Variants in MYCBP2 observed in about 807,000 individuals in gnomAD.
The protein encoded by MYCBP2 is MYC binding protein 2.
In MYCBP2, 120 loss-of-function variants were observed where a neutral mutation model predicts 525.3. That is an observed-to-expected ratio of 0.23 (90% CI 0.20 to 0.27). The LOEUF is 0.27. Ranked by LOEUF, MYCBP2 falls within the 10% of genes least tolerant of loss-of-function variation. The pLI is 1.00. For synonymous variants in MYCBP2, 1,894 were observed against 1,955.8 expected (o/e 0.97, Z 0.83); for missense variants, 4,149 against 5,657.1 (o/e 0.73, Z 8.55).
intron 62 of MYCBP2, among the ~76,000 whole-genome samples, chr13:77,084,496 T>C (rs967799680): frequency 2.0e-5 from 3 of 152,194 alleles, no homozygotes; most frequent in Admixed American, 2.0e-4. Context: ...TACAGGGAGA[T>C]AGCAGGCCAT....
rs71102740 is a variant in MYCBP2, at chr13:77,317,938, AAACATAACATAACATAACATAACAT to A, written c.302+8511_302+8535del. 4.0e-4 allele frequency among the ~76,000 whole-genome samples: 53 copies of A among 132,064 alleles called. 1 individual carries two copies. The highest frequency in any genetic ancestry group is 1.0e-3 in the African/African-American group (35 of 34,778). 86.6% of individuals were successfully genotyped at this position (132,064 alleles called of 152,430 possible). ...GGCAACAGAGCAAGACTCCGTCTCA[AAACATAACATAACATAACATAACAT>A]AACATAACATAACATAACATAACAT... On this transcript the variant is annotated intron_variant, in intron 1 of 82. Transcript: ENST00000544440.
rs2069162581 is a variant in MYCBP2, at chr13:77,243,061, C to A, written c.2627G>T (p.Arg876Ile). 2 of 1,613,724 alleles carry A rather than the reference C, an allele frequency of 1.2e-6. No individual in the cohort carries two copies. Among genetic ancestry groups the A allele is most frequent in the African/African-American group, 2.7e-5 (2 of 75,018 alleles). The change falls in exon 17 of 83, where the codon AGA (arginine) becomes ATA (isoleucine). Residue 876 changes from arginine to isoleucine, a missense_variant and splice_region_variant. By Grantham distance (97) the Arg-to-Ile change is moderately conservative (BLOSUM62 -3). Coordinates refer to ENST00000544440, the MANE Select transcript of MYCBP2 (RefSeq NM_015057.5). ...TTTTCTCTGTAGCTACATCTTACCT[C>A]TTCCTTCCTCTAATCTGTGCCTTCT... ...VIRRHRLEEGRGPLVFAGPIF... is the reference protein window; with the variant it reads ...VIRRHRLEEGIGPLVFAGPIF...
chr13:77,248,505 T>C (rs1008013836), intron 15 of MYCBP2, among the ~76,000 whole-genome samples: 2 of 152,028 alleles, frequency 1.3e-5, no homozygotes, highest in Non-Finnish European at 2.9e-5. Flanking sequence ...GGCCAAAAAG[T>C]ATATGGAAAG....
chr13:77,227,433 T>C (rs1055390814), intron 18 of MYCBP2, among the ~76,000 whole-genome samples: 1 of 147,296 alleles, frequency 6.8e-6, no homozygotes, highest in Admixed American at 6.8e-5. Context: ...GTTGGAAAGA[T>C]AGTGGAATGG....
At position 77,180,198 on chromosome 13, in the gene MYCBP2, G is replaced by T; in HGVS notation, c.5062C>A (p.Leu1688Ile). 6.2e-7 allele frequency: 1 copy of T among 1,614,114 alleles called. No individual in the cohort carries two copies. The highest frequency in any genetic ancestry group is 1.3e-5 in the African/African-American group (1 of 75,032). The change falls in exon 34 of 83, where the codon CTC becomes ATC. Residue 1688 changes from leucine (L) to isoleucine (I), a missense_variant. By Grantham distance (5) the Leu-to-Ile change is conservative. This residue lies in a region of MYCBP2 where 54 missense variants were observed against 117.0 expected (regional missense o/e 0.46). Transcript: ENST00000544440. Reference sequence around the variant, plus strand: ...AGTAATCCACAGGTGTTAGAGACGAGGTGGGAGGAGAAGAGTTCATTTTCT... The same window carrying T: ...AGTAATCCACAGGTGTTAGAGACGATGTGGGAGGAGAAGAGTTCATTTTCT... ...RRENELFSSHLVSNTCGLLAS... is the reference protein window; with the variant it reads ...RRENELFSSHIVSNTCGLLAS...
At chr13:77,246,598 AGAG>A (rs748692205) in intron 15 of MYCBP2, among the ~76,000 whole-genome samples, 3 of 148,142 alleles carry the variant, frequency 2.0e-5, no homozygotes, top group African/African-American at 5.0e-5. Flanking sequence ...AGAAGGAGGA[AGAG>A]GAGGAGGAGA....
At position 77,156,159 on chromosome 13, in the gene MYCBP2, A is replaced by G. The variant is rs769073941; in HGVS notation, c.6814T>C (p.Leu2272=). Residue 2272 remains leucine (L), a synonymous_variant, in exon 46 of 83, where the codon TTG becomes CTG. Coordinates refer to ENST00000544440, the MANE Select transcript of MYCBP2 (RefSeq NM_015057.5). ...CGAATATCATCCTTATTCAGGATCA[A>G]AGATGTTTTCTGAGGATCCGCATAT... ...DSYADPQKTS[L]ILNKDDIRCG... is the part of the protein sequence containing the mutation. 3.7e-6 allele frequency: 6 copies of G among 1,614,070 alleles called. No individual in the cohort carries two copies. The highest frequency in any genetic ancestry group is 1.7e-5 in the Admixed American group (1 of 60,030).
intron 68 of MYCBP2, chr13:77,076,266 T>G (rs1399587852): frequency 6.6e-6 from 1 of 152,370 alleles, no homozygotes; most frequent in Non-Finnish European, 1.5e-5. Flanking sequence ...TATGGTTCAG[T>G]AGAAGAGAGA....
chr13:77,243,293 A>G, intron 16 of MYCBP2, 133 bp from the exon 17 acceptor site: 1 of 735,690 alleles, frequency 1.4e-6, no homozygotes, highest in Non-Finnish European at 2.3e-6. Context: ...TTTTACTTTA[A>G]TAATTCTTAG....
intron 51 of MYCBP2, 65 bp from the exon 52 acceptor site, chr13:77,139,401 T>A (rs2054244569): frequency 6.6e-7 from 1 of 1,526,594 alleles, no homozygotes; most frequent in East Asian, 2.3e-5. Flanking sequence ...TAGCAAGGTC[T>A]GAAAGTCTGC....
At chr13:77,295,335 T>C (rs1053417276) in intron 2 of MYCBP2, among the ~76,000 whole-genome samples, 4 of 152,128 alleles carry the variant, frequency 2.6e-5, no homozygotes, top group African/African-American at 9.7e-5. Context: ...GGTTTCACCA[T>C]GTTGGCCAGG....
chr13:77,201,794 C>T (rs2062609038), intron 26 of MYCBP2, among the ~76,000 whole-genome samples: 1 of 152,192 alleles, frequency 6.6e-6, no homozygotes, highest in African/African-American at 2.4e-5. Flanking sequence ...TGAATGACTA[C>T]TGGGTACACA....
At chr13:77,276,816 G>GTTTTTTTTTTTTTTTTTTT (rs397851660) in intron 4 of MYCBP2, among the ~76,000 whole-genome samples, 4 of 76,220 alleles carry the variant, frequency 5.2e-5, no homozygotes, top group Admixed American at 1.8e-4. Context: ...TCCATGCCCA[G>GTTTTTTTTTTTTTTTTTTT]TTTTTTTTTT....
Position 77,186,041 on chromosome 13 carries a change from C to T in MYCBP2, c.4274G>A (p.Ser1425Asn), listed in dbSNP as rs369779556. 1 of 1,594,832 alleles carries T rather than the reference C, an allele frequency of 6.3e-7. No individual in the cohort carries two copies. Among genetic ancestry groups the T allele is most frequent in the Non-Finnish European group, 8.5e-7 (1 of 1,173,442 alleles). The change falls in exon 31 of 83, where the codon AGT (serine) becomes AAT (asparagine). Residue 1425 changes from serine (S) to asparagine (N), a missense_variant. Around this residue, in one of 21 missense-constraint regions of MYCBP2, gnomAD observed 292 missense variants for 330.5 expected, o/e 0.88. Coordinates refer to ENST00000544440, the MANE Select transcript of MYCBP2 (RefSeq NM_015057.5). ...GGTGGTCCAGCTCCAGTGAAGAATA[C>T]TCAACAATGACTCAAAACATTCCTA... is the stretch of plus-strand genomic sequence containing the variant. ...VSVECFESLL[S>N]ILHWSWTTLV...
At chr13:77,090,043 A>G in intron 60 of MYCBP2, 63 bp downstream of exon 60, 1 of 1,387,120 alleles carries the variant, frequency 7.2e-7, no homozygotes, top group Middle Eastern at 2.6e-4. Flanking sequence ...ATATGCAAAT[A>G]AAACAATTTT....
rs778531278 is a variant in MYCBP2, at chr13:77,166,473, G to A, written c.6196C>T (p.Arg2066Cys). 6 of 1,613,804 alleles carry A rather than the reference G, an allele frequency of 3.7e-6. No individual in the cohort carries two copies. Among genetic ancestry groups the A allele is most frequent in the African/African-American group, 1.3e-5 (1 of 74,870 alleles). The change falls in exon 41 of 83, where the codon CGT (arginine) becomes TGT (cysteine). Residue 2066 changes from arginine to cysteine, a missense_variant. Around this residue, in one of 21 missense-constraint regions of MYCBP2, gnomAD observed 692 missense variants for 852.7 expected, o/e 0.81. Coordinates refer to ENST00000544440, the MANE Select transcript of MYCBP2 (RefSeq NM_015057.5). ...CGTAQSEDVL[R>C]LLIPVRTVQN... ...ACAGTTCTGACAGGAATCAACAAACGAAGGACATCTTCTGACTGTGCAGTA... is the reference window on the plus strand; with the variant it reads ...ACAGTTCTGACAGGAATCAACAAACAAAGGACATCTTCTGACTGTGCAGTA...
At chr13:77,170,861 C>G (rs1003480176) in intron 38 of MYCBP2, among the ~76,000 whole-genome samples, 1 of 152,144 alleles carries the variant, frequency 6.6e-6, no homozygotes, top group Non-Finnish European at 1.5e-5. Context: ...AGGCATGAGC[C>G]ACCATGTCCG....
chr13:77,064,094 C>T (rs911387370), intron 73 of MYCBP2, among the ~76,000 whole-genome samples: 1 of 152,196 alleles, frequency 6.6e-6, no homozygotes, highest in Non-Finnish European at 1.5e-5. Flanking sequence ...ATAAATGTGT[C>T]ATCTGAAGAA....
chr13:77,237,927 TA>T (rs2068180214), intron 17 of MYCBP2, among the ~76,000 whole-genome samples: 1 of 152,088 alleles, frequency 6.6e-6, no homozygotes, highest in South Asian at 2.1e-4. Context: ...AAGAAAACCA[TA>T]ATGGTTTTAA....
Sources: gnomAD v4.1 joint callset for allele counts (sites outside exome capture counted in the v4.1 genomes callset) on GRCh38, gnomAD v4.1.1 for gene constraint, gnomAD v4.1.1 regional missense constraint, MANE v1.5 for transcripts, NCBI Gene and HGNC (gene_info 2026-07-23, HGNC 2026-07-21) for gene names.